Variants in KPNB1 observed in about 807,000 individuals in gnomAD.
KPNB1 encodes the protein karyopherin subunit beta 1.
KPNB1 carries 7 observed loss-of-function variants against 113.0 expected under a neutral mutation model. The observed-to-expected ratio is 0.06, with a 90% CI of 0.04 to 0.12. The LOEUF is 0.12. Among genes scored for constraint, KPNB1 ranks in the 10% least tolerant of loss-of-function variants. The pLI, the probability that KPNB1 is intolerant of heterozygous loss-of-function variation, is 1.00. For missense variants in KPNB1, 400 were observed against 1,054.8 expected, an observed-to-expected ratio of 0.38 and a Z score of 8.60; for synonymous variants, 363 against 378.6, an observed-to-expected ratio of 0.96 and a Z score of 0.48.
intron 7 of KPNB1, 34 bp from the exon 8 acceptor site, chr17:47,664,125 C>A (rs1422888837): frequency 9.9e-6 from 14 of 1,414,148 alleles, no homozygotes; most frequent in African/African-American, 4.2e-5. Context: ...TGAATCAGTA[C>A]TTATTTGGGG....
At position 47,650,184 on chromosome 17, in the gene KPNB1, C is replaced by A; in HGVS notation, c.-61C>A. 1 of 1,258,448 alleles carries A rather than the reference C, an allele frequency of 7.9e-7. No homozygotes were observed. The highest frequency in any genetic ancestry group is 1.0e-6 in the Non-Finnish European group (1 of 982,556). 78.0% of individuals were successfully genotyped at this position (1,258,448 alleles called of 1,614,324 possible). ...CCCCAACCCCCATCCCCAGTTCGAG[C>A]CGCCGCCCGAAAGGCCGGGCCGTCG... is the stretch of plus-strand genomic sequence containing the variant. On this transcript the variant is annotated 5_prime_UTR_variant, in exon 1 of 22. Transcript: ENST00000290158.
intron 8 of KPNB1, among the ~76,000 whole-genome samples, chr17:47,664,816 G>T (rs941444462): frequency 6.6e-6 from 1 of 152,130 alleles, no homozygotes; most frequent in African/African-American, 2.4e-5. Flanking sequence ...TTGTCCATAT[G>T]AATTGAACTT....
intron 3 of KPNB1, among the ~76,000 whole-genome samples, chr17:47,653,328 C>T (rs142697232): frequency 3.6e-3 from 459 of 126,724 alleles, no homozygotes; most frequent in African/African-American, 0.014. Flanking sequence ...GGCTGGAGTG[C>T]AATGGCATGA....
rs568033788 is a variant in KPNB1 at position 47,672,796 on chromosome 17, C to T, written c.1548-222C>T. ...TTTCCTCTATAATTTTAGCCCATTT[C>T]CAAAAGGGCCATTCTAAATTTTAAC... On this transcript the variant is annotated intron_variant, in intron 12 of 21. Transcript: ENST00000290158. Among the ~76,000 whole-genome samples the T allele has an allele frequency of 2.6e-5, 4 of 152,286 alleles. No individual in the cohort carries two copies. In the East Asian group the frequency reaches 7.7e-4, roughly 29 times the overall value.
At chr17:47,680,361 C>A (rs2030735344) in intron 20 of KPNB1, 147 bp from the exon 21 acceptor site, 3 of 905,738 alleles carry the variant, frequency 3.3e-6, no homozygotes, top group Non-Finnish European at 5.1e-6. Context: ...TGTTGGTCAA[C>A]AATTGCCTCT....
chr17:47,675,389 G>GTTTTTTTTTTT lies in KPNB1; in HGVS notation c.1912+617_1912+618insTTTTTTTTTTT, dbSNP rs1419981267. 2.5e-5 allele frequency among the ~76,000 whole-genome samples: 2 copies of GTTTTTTTTTTT among 78,436 alleles called. 1 individual carries two copies. The highest frequency in any genetic ancestry group is 4.8e-5 in the Non-Finnish European group (2 of 41,760). The allele number at this position is 78,436 out of a possible 152,430, so 51.5% of individuals were successfully genotyped here. ...TTTTTTTTGTTTTTTTTTTTTGTTT[G>GTTTTTTTTTTT]TTTTTTTTTTGAGACTTGTTCTGTT... On this transcript the variant is annotated intron_variant, in intron 15 of 21. Transcript: ENST00000290158.
In KPNB1 at chr17:47,683,394, A is replaced by C. The variant is rs1320114903; in HGVS notation, c.*990A>C. 6.6e-6 allele frequency: 1 copy of C among 152,460 alleles called. No homozygotes were observed. The highest frequency in any genetic ancestry group is 6.6e-5 in the Admixed American group (1 of 15,258). The allele number at this position is 152,460 out of a possible 1,614,324, so 9.4% of individuals were successfully genotyped here. On this transcript the variant is annotated 3_prime_UTR_variant, in exon 22 of 22. Transcript: ENST00000290158. ...CGCAGACTTCAAAAACAAAAAAATC[A>C]CAACCCAAACAAACCAAAATTTAAA...
intron 3 of KPNB1, among the ~76,000 whole-genome samples, chr17:47,653,183 T>G (rs1915626362): frequency 6.6e-6 from 1 of 152,048 alleles, no homozygotes; most frequent in Non-Finnish European, 1.5e-5. Context: ...TGGTGCTACA[T>G]TTGTATAAAA....
intron 12 of KPNB1, 89 bp from the exon 13 acceptor site, chr17:47,672,929 C>A: frequency 7.8e-7 from 1 of 1,277,578 alleles, no homozygotes; most frequent in Non-Finnish European, 1.1e-6. Flanking sequence ...ATACCGGTTC[C>A]TGAGTTCTTA....
At chr17:47,665,789 CAG>C (rs914019782) in intron 9 of KPNB1, among the ~76,000 whole-genome samples, 2 of 152,130 alleles carry the variant, frequency 1.3e-5, no homozygotes, top group African/African-American at 4.8e-5. Flanking sequence ...TGATGCAACA[CAG>C]TGTTTTTTGA....
chr17:47,675,361 G>GTTTTTGTTGT (rs2030568124), intron 15 of KPNB1, among the ~76,000 whole-genome samples: 1 of 88,692 alleles, frequency 1.1e-5, no homozygotes, highest in Admixed American at 1.1e-4. Flanking sequence ...CAGAGGTGTT[G>GTTTTTGTTGT]TTTTTTTTTT....
Position 47,656,871 on chromosome 17 carries a change from A to T in KPNB1, c.294A>T (p.Thr98=). Residue 98 remains threonine (T), a synonymous_variant, in exon 4 of 22, where the codon ACA becomes ACT. Transcript: ENST00000290158. ...RREVKNYVLQ[T]LGTETYRPSS... is the part of the protein sequence containing the mutation. ...TTTTTTTGGTGCAGGTTTTGCAGAC[A>T]TTGGGTACAGAAACTTACCGGCCTA... 2 of 1,614,072 alleles carry T rather than the reference A, an allele frequency of 1.2e-6. No individual in the cohort carries two copies. The highest frequency in any genetic ancestry group is 1.7e-6 in the Non-Finnish European group (2 of 1,179,960).
chr17:47,682,303 C>T, intron 21 of KPNB1, 101 bp from the exon 22 acceptor site: 1 of 750,094 alleles, frequency 1.3e-6, no homozygotes, highest in Non-Finnish European at 2.5e-6. Context: ...TTGACAAATT[C>T]CATTCAGGCC....
intron 3 of KPNB1, among the ~76,000 whole-genome samples, chr17:47,653,360 G>A (rs1034861205): frequency 3.0e-5 from 4 of 135,248 alleles, no homozygotes; most frequent in African/African-American, 8.5e-5. Context: ...TGCAGCCTCC[G>A]CCTCCCAAGT....
intron 9 of KPNB1, among the ~76,000 whole-genome samples, chr17:47,666,181 T>A (rs1487209240): frequency 6.6e-6 from 1 of 151,910 alleles, no homozygotes; most frequent in Non-Finnish European, 1.5e-5. Flanking sequence ...GCCTCCCCAG[T>A]AGCTGGAAGT....
At chr17:47,659,064 A>T (rs918524823) in intron 5 of KPNB1, among the ~76,000 whole-genome samples, 5 of 152,290 alleles carry the variant, frequency 3.3e-5, no homozygotes, top group Non-Finnish European at 7.4e-5. Context: ...AAAGAAAGGA[A>T]TAGGCTGGGC....
intron 9 of KPNB1, among the ~76,000 whole-genome samples, chr17:47,667,405 G>T (rs1340561165): frequency 6.6e-6 from 1 of 152,024 alleles, no homozygotes; most frequent in East Asian, 1.9e-4. Context: ...GGGATTACAG[G>T]CATGAGCCAC....
chr17:47,652,825 G>A lies in KPNB1; in HGVS notation c.231G>A (p.Gln77=), dbSNP rs1007092057. The change falls in exon 3 of 22, where the codon CAG becomes CAA. Residue 77 remains glutamine (Q), a synonymous_variant. Coordinates refer to ENST00000290158, the MANE Select transcript of KPNB1 (RefSeq NM_002265.6). ...ATCCAGATATCAAGGCACAATATCA[G>A]CAGAGGTGGCTTGCTATTGATGCTA... is the stretch of plus-strand genomic sequence containing the variant. ...SKDPDIKAQY[Q]QRWLAIDANA... 7.5e-6 allele frequency: 12 copies of A among 1,610,030 alleles called. No homozygotes were observed. The highest frequency in any genetic ancestry group is 9.3e-6 in the Non-Finnish European group (11 of 1,178,862).
intron 15 of KPNB1, among the ~76,000 whole-genome samples, chr17:47,675,727 T>C (rs1005219844): frequency 6.6e-6 from 1 of 152,172 alleles, no homozygotes; most frequent in Non-Finnish European, 1.5e-5. Flanking sequence ...CATATCTGAC[T>C]TAAGACTCTT....
Sources: gnomAD v4.1 joint callset for allele counts (sites outside exome capture counted in the v4.1 genomes callset) on GRCh38, gnomAD v4.1.1 for gene constraint, MANE v1.5 for transcripts, NCBI Gene and HGNC (gene_info 2026-07-23, HGNC 2026-07-21) for gene names.